The following MSH6 variants were observed in gnomAD, a reference collection of about 807,000 sequenced individuals.
The protein encoded by MSH6 is mutS homolog 6.
MSH6 carries 85 observed loss-of-function variants against 119.1 expected under a neutral mutation model. The observed-to-expected ratio is 0.71, with a 90% CI of 0.60 to 0.85. The LOEUF (loss-of-function observed/expected upper bound fraction) is 0.85, where lower values mean the gene tolerates loss of function less well. Ranked by LOEUF, MSH6 falls within the 40% of genes least tolerant of loss-of-function variation. The probability of loss-of-function intolerance (pLI) is 0.00; values close to 1 mark genes in which losing one functional copy is unlikely to be tolerated. For synonymous variants in MSH6, 830 were observed against 586.9 expected, an observed-to-expected ratio of 1.41 and a Z score of -5.99; for missense variants, 2,163 against 1,655.3, an observed-to-expected ratio of 1.31 and a Z score of -5.32.
chr2:47,800,946 G>T lies in MSH6; in HGVS notation c.2963G>T (p.Arg988Leu), dbSNP rs115386788. The stretch of plus-strand genomic sequence containing the variant: ...GAAATTCCTGAGAATTTCACCACTC[G>T]CAATTTGCCAGAAGAATACGAGTTG... ...QLEIPENFTT[R>L]NLPEEYELKS... The change falls in exon 4 of 10, where the codon CGC becomes CTC. Residue 988 changes from arginine to leucine, a missense_variant. Coordinates refer to ENST00000234420, the MANE Select transcript of MSH6 (RefSeq NM_000179.3). 14 of 1,571,690 alleles carry T rather than the reference G, an allele frequency of 8.9e-6. No individual in the cohort carries two copies. The African/African-American group carries it at 1.1e-4, about 12-fold the overall frequency.
At position 47,799,684 on chromosome 2, in the gene MSH6, G is replaced by C. The variant is rs752435825; in HGVS notation, c.1701G>C (p.Lys567Asn). 1.9e-6 allele frequency: 3 copies of C among 1,614,018 alleles called. No homozygotes were observed. In the East Asian group the frequency reaches 6.7e-5, roughly 36 times the overall value. The change falls in exon 4 of 10, where the codon AAG (lysine) becomes AAC (asparagine). Residue 567 changes from lysine (K) to asparagine (N), a missense_variant. Coordinates refer to ENST00000234420, the MANE Select transcript of MSH6 (RefSeq NM_000179.3). The stretch of plus-strand genomic sequence containing the variant: ...GCTTTGTTGATACTTCACTGGGAAA[G>C]TTTTTCATAGGTCAGTTTTCAGATG... ...GVCFVDTSLG[K>N]FFIGQFSDDR...
chr2:47,804,719 A>T (rs931325912), intron 5 of MSH6, among the ~76,000 whole-genome samples, 191 bp from the exon 6 acceptor site: 4 of 152,208 alleles, frequency 2.6e-5, no homozygotes, highest in African/African-American at 9.7e-5. Context: ...GTGAGGCCCT[A>T]TGCCTCTTGT....
chr2:47,786,773 A>T lies in MSH6; in HGVS notation c.260+3280A>T, dbSNP rs141718668. 1.8e-4 allele frequency among the ~76,000 whole-genome samples: 27 copies of T among 151,854 alleles called. 1 individual carries two copies. Among genetic ancestry groups the T allele is most frequent in the Middle Eastern group, 6.8e-3 (2 of 294 alleles). On this transcript the variant is annotated intron_variant, in intron 1 of 9. Coordinates refer to ENST00000234420, the MANE Select transcript of MSH6 (RefSeq NM_000179.3). ...GTGTGTGATATAAATGTCTTCTTTC[A>T]CAATGAGTTCTTTCATTTAGTTTAT...
chr2:47,808,988 C>G (rs980550076), downstream of MSH6: 43 of 511,260 alleles, frequency 8.4e-5, no homozygotes, highest in Admixed American at 1.4e-3. Context: ...TAAGCCACCA[C>G]GCCTACCCAC....
At chr2:47,803,394 C>A (rs1432886704) in intron 4 of MSH6, 26 bp from the exon 5 acceptor site, 1 of 1,614,002 alleles carries the variant, frequency 6.2e-7, no homozygotes, top group Non-Finnish European at 8.5e-7. Flanking sequence ...ACGATGAAGC[C>A]TCACTTTTAC....
rs876658605 is a variant in MSH6 at position 47,800,969 on chromosome 2, T to C, written c.2986T>C (p.Leu996=). Reference sequence around the variant, plus strand: ...TCGCAATTTGCCAGAAGAATACGAGTTGAAATCTACCAAGAAGGGCTGTAA... The same window carrying C: ...TCGCAATTTGCCAGAAGAATACGAGCTGAAATCTACCAAGAAGGGCTGTAA... ...TTRNLPEEYE[L]KSTKKGCKRY... is the part of the protein sequence containing the mutation. Residue 996 remains leucine, a synonymous_variant, in exon 4 of 10, where the codon TTG becomes CTG. Transcript: ENST00000234420. 3 of 1,561,786 alleles carry C rather than the reference T, an allele frequency of 1.9e-6. No homozygotes were observed. The highest frequency in any genetic ancestry group is 1.7e-6 in the Non-Finnish European group (2 of 1,156,744).
At chr2:47,809,993 T>C (rs1670503552), downstream of MSH6, 1 of 489,782 alleles carries the variant, frequency 2.0e-6, no homozygotes, top group Non-Finnish European at 3.6e-6. Flanking sequence ...TCTTTTTCTG[T>C]TGCAGATTTA....
At position 47,791,054 on chromosome 2, in the gene MSH6, C is replaced by G. The variant is rs1668697036; in HGVS notation, c.388C>G (p.His130Asp). ...IREKGKSVRV[H>D]VQFFDDSPTR... is the part of the protein sequence containing the mutation. ...CGAGAAAGGGAAATCAGTCCGTGTT[C>G]ATGTACAGTTTTTTGATGACAGCCC... The change falls in exon 2 of 10, where the codon CAT becomes GAT. Residue 130 changes from histidine to aspartate, a missense_variant. Coordinates refer to ENST00000234420, the MANE Select transcript of MSH6 (RefSeq NM_000179.3). The G allele has an allele frequency of 6.2e-7, 1 of 1,614,162 alleles. No individual in the cohort carries two copies. Among genetic ancestry groups the G allele is most frequent in the Non-Finnish European group, 8.5e-7 (1 of 1,180,038 alleles).
Position 47,805,938 on chromosome 2 carries a change from T to C in MSH6, c.3646+231T>C, listed in dbSNP as rs181138637. On this transcript the variant is annotated intron_variant, in intron 7 of 9. Coordinates refer to ENST00000234420, the MANE Select transcript of MSH6 (RefSeq NM_000179.3). ...TACACTGTTTAGTTGTAATAAAACA[T>C]TTGTTATACTACGGGGATGAGAACA... Among the ~76,000 whole-genome samples the C allele has an allele frequency of 3.3e-5, 5 of 152,334 alleles. No homozygotes were observed. In the East Asian group the frequency reaches 9.6e-4, roughly 29 times the overall value.
At chr2:47,798,529 A>C (rs2104284530) in intron 3 of MSH6, 82 bp from the exon 4 acceptor site, 1 of 1,496,782 alleles carries the variant, frequency 6.7e-7, no homozygotes, top group Admixed American at 1.8e-5. Flanking sequence ...TTATAAAGTC[A>C]AAAAATCATA....
intron 2 of MSH6, among the ~76,000 whole-genome samples, chr2:47,792,902 A>G (rs1326836974): frequency 7.3e-6 from 1 of 136,406 alleles, no homozygotes; most frequent in Non-Finnish European, 1.5e-5. Context: ...TGTTGCCCCC[A>G]GGGTGGTCTT....
intron 5 of MSH6, among the ~76,000 whole-genome samples, chr2:47,804,535 TA>T (rs746167671): frequency 0.15 from 11,754 of 80,792 alleles, 560 homozygotes; most frequent in Non-Finnish European, 0.17. Flanking sequence ...TGACAACGTG[TA>T]AAAAAAAAAA....
chr2:47,787,151 T>G (rs972445142), intron 1 of MSH6, among the ~76,000 whole-genome samples: 2 of 152,118 alleles, frequency 1.3e-5, no homozygotes, highest in African/African-American at 4.8e-5. Context: ...TAGCCAGGCA[T>G]GGTGGCGTGT....
At chr2:47,809,769 A>G (rs1433032772), downstream of MSH6, 2 of 1,062,692 alleles carry the variant, frequency 1.9e-6, no homozygotes, top group African/African-American at 1.6e-5. Context: ...AAAACCTGAA[A>G]TTAGCAAGCA....
Position 47,784,167 on chromosome 2 carries a change from G to C in MSH6, c.260+674G>C, listed in dbSNP as rs114642331. 3.2e-4 allele frequency: 317 copies of C among 1,005,390 alleles called. 3 individuals carry two copies. In the African/African-American group the frequency reaches 5.2e-3, roughly 16 times the overall value. The allele number at this position is 1,005,390 out of a possible 1,614,324, so 62.3% of individuals were successfully genotyped here. A position where few individuals can be genotyped will look rare whatever the true frequency, so the allele number is the denominator to read the frequency against. On this transcript the variant is annotated intron_variant, in intron 1 of 9. Transcript: ENST00000234420. ...AGCGCGGGGGGGTGTGTCACCATGG[G>C]GACCGCGGGGCCTAATTGGGCGGGG...
chr2:47,799,780 A>G lies in MSH6; in HGVS notation c.1797A>G (p.Gly599=), dbSNP rs1279647909. 6.2e-7 allele frequency: 1 copy of G among 1,614,190 alleles called. No homozygotes were observed. The highest frequency in any genetic ancestry group is 8.5e-7 in the Non-Finnish European group (1 of 1,180,022). The change falls in exon 4 of 10, where the codon GGA becomes GGG. Residue 599 remains glycine (G), a synonymous_variant. Coordinates refer to ENST00000234420, the MANE Select transcript of MSH6 (RefSeq NM_000179.3). Reference sequence around the variant, plus strand: ...CAGTACAAGTTTTATTTGAAAAAGGAAATCTCTCAAAGGAAACTAAAACAA... The same window carrying G: ...CAGTACAAGTTTTATTTGAAAAAGGGAATCTCTCAAAGGAAACTAAAACAA... ...YPPVQVLFEK[G]NLSKETKTIL...
At chr2:47,788,899 TCTTCTTCC>T (rs1219354483) in intron 1 of MSH6, among the ~76,000 whole-genome samples, 1 of 87,480 alleles carries the variant, frequency 1.1e-5, no homozygotes, top group Admixed American at 1.2e-4. Flanking sequence ...TTTCTTTCTT[TCTTCTTCC>T]TTTTTTTTTT....
At chr2:47,785,288 C>T (rs1257270100) in intron 1 of MSH6, among the ~76,000 whole-genome samples, 2 of 152,130 alleles carry the variant, frequency 1.3e-5, no homozygotes, top group African/African-American at 4.8e-5. Context: ...AGTGCTGTGG[C>T]GCTTTCTCGG....
chr2:47,788,907 C>CTTTTTTTTTTTTTTTTTT (rs1558650117), intron 1 of MSH6, among the ~76,000 whole-genome samples: 6 of 17,278 alleles, frequency 3.5e-4, no homozygotes, highest in Admixed American at 9.8e-4. Flanking sequence ...TTTCTTCTTC[C>CTTTTTTTTTTTTTTTTTT]TTTTTTTTTT....
Sources: allele counts gnomAD v4.1 joint callset (sites outside exome capture counted in the v4.1 genomes callset), GRCh38; gene constraint gnomAD v4.1.1; transcripts MANE v1.5; gene names NCBI Gene and HGNC (gene_info 2026-07-23, HGNC 2026-07-21).